Variants in KCNH7 observed in about 807,000 individuals in gnomAD.
KCNH7 encodes potassium voltage-gated channel subfamily H member 7, also known as voltage-gated inwardly rectifying potassium channel KCNH7.
KCNH7 carries 49 observed loss-of-function variants against 120.8 expected under a neutral mutation model. That is an observed-to-expected ratio of 0.41 (90% CI 0.32 to 0.51). KCNH7 has a LOEUF of 0.51. KCNH7 is among the 20% of genes least tolerant of loss of function. KCNH7 has a pLI of 0.38. For synonymous variants in KCNH7, 547 were observed against 516.1 expected, an observed-to-expected ratio of 1.06 and a Z score of -0.81; for missense variants, 1,097 against 1,446.6, an observed-to-expected ratio of 0.76 and a Z score of 3.92.
intron 3 of KCNH7, among the ~76,000 whole-genome samples, chr2:162,518,495 C>T (rs1691396500): frequency 6.6e-6 from 1 of 151,702 alleles, no homozygotes; most frequent in South Asian, 2.1e-4. Context: ...GAAGGATGAA[C>T]AGAGTTTTAA....
chr2:162,688,227 T>C (rs1685965710), intron 2 of KCNH7, among the ~76,000 whole-genome samples: 2 of 152,180 alleles, frequency 1.3e-5, no homozygotes, highest in Admixed American at 6.6e-5. Context: ...CATGTAGATA[T>C]AGCTACCTCA....
At chr2:162,741,638 C>T (rs1460615414) in intron 2 of KCNH7, among the ~76,000 whole-genome samples, 1 of 151,970 alleles carries the variant, frequency 6.6e-6, no homozygotes, top group Non-Finnish European at 1.5e-5. Flanking sequence ...AACATGTCAG[C>T]TTTTATAATG....
At chr2:162,558,235 C>A (rs1291755266) in intron 2 of KCNH7, among the ~76,000 whole-genome samples, 1 of 151,580 alleles carries the variant, frequency 6.6e-6, no homozygotes, top group Admixed American at 6.6e-5. Flanking sequence ...AGTACAGTGG[C>A]ACGATCTCGG....
intron 2 of KCNH7, among the ~76,000 whole-genome samples, chr2:162,647,682 T>C (rs1400999917): frequency 6.6e-6 from 1 of 152,160 alleles, no homozygotes; most frequent in Non-Finnish European, 1.5e-5. Flanking sequence ...GTGACTTTGC[T>C]CCTCATTTGC....
chr2:162,564,765 G>T (rs1693194210), intron 2 of KCNH7, among the ~76,000 whole-genome samples: 1 of 152,082 alleles, frequency 6.6e-6, no homozygotes, highest in African/African-American at 2.4e-5. Flanking sequence ...TACCTCTAAA[G>T]TTCATTAAAG....
intron 2 of KCNH7, among the ~76,000 whole-genome samples, chr2:162,592,506 C>A (rs753475015): frequency 6.6e-6 from 1 of 151,916 alleles, no homozygotes; most frequent in Non-Finnish European, 1.5e-5. Context: ...GGACTCTTGG[C>A]TATAGGCTAT....
intron 2 of KCNH7, among the ~76,000 whole-genome samples, chr2:162,553,299 G>A (rs899122303): frequency 2.0e-5 from 3 of 152,266 alleles, no homozygotes; most frequent in South Asian, 2.1e-4. Flanking sequence ...TCAACCAGCC[G>A]TTATGATTCA....
intron 2 of KCNH7, among the ~76,000 whole-genome samples, chr2:162,717,881 C>T (rs1687183893): frequency 6.6e-6 from 1 of 151,998 alleles, no homozygotes; most frequent in Non-Finnish European, 1.5e-5. Context: ...CCTTAGCTGA[C>T]ATCTAGAAGA....
intron 11 of KCNH7, 59 bp downstream of exon 11, chr2:162,396,681 A>G (rs1348990832): frequency 3.2e-6 from 4 of 1,243,700 alleles, no homozygotes; most frequent in Non-Finnish European, 4.6e-6. Flanking sequence ...GTATTTGTGC[A>G]ATTCAAGAAT....
intron 8 of KCNH7, among the ~76,000 whole-genome samples, chr2:162,427,837 T>G (rs895765218): frequency 6.6e-6 from 1 of 151,890 alleles, no homozygotes; most frequent in Non-Finnish European, 1.5e-5. Flanking sequence ...TAATGTTCTT[T>G]TCTTATCCTT....
rs571066088 is a variant in KCNH7, at chr2:162,822,300, T to C, written c.307+14237A>G. 2.0e-5 allele frequency among the ~76,000 whole-genome samples: 3 copies of C among 152,128 alleles called. No homozygotes were observed. In the South Asian group the frequency reaches 6.2e-4, roughly 32 times the overall value. On this transcript the variant is annotated intron_variant, in intron 2 of 15. Coordinates refer to ENST00000332142, the MANE Select transcript of KCNH7 (RefSeq NM_033272.4). Reference sequence around the variant, plus strand: ...TCCTTATCACATTTTTAAATTATTTTATTTAGCACTTCTATTGCATTTACT... The same window carrying C: ...TCCTTATCACATTTTTAAATTATTTCATTTAGCACTTCTATTGCATTTACT...
intron 2 of KCNH7, among the ~76,000 whole-genome samples, chr2:162,820,372 A>C (rs996168132): frequency 1.1e-4 from 16 of 151,972 alleles, no homozygotes; most frequent in African/African-American, 3.9e-4. Context: ...CACCACGCAC[A>C]GCCTATTCCA....
intron 7 of KCNH7, among the ~76,000 whole-genome samples, chr2:162,437,935 T>C (rs1688300231): frequency 6.6e-6 from 1 of 152,186 alleles, no homozygotes; most frequent in Non-Finnish European, 1.5e-5. Context: ...GCTCAGACTC[T>C]GGTAGGAGTC....
chr2:162,661,879 T>G (rs541712511), intron 2 of KCNH7, among the ~76,000 whole-genome samples: 1 of 152,228 alleles, frequency 6.6e-6, no homozygotes, highest in East Asian at 1.9e-4. Context: ...TGATGTTGGG[T>G]TTTTTAAATT....
At chr2:162,825,655 T>A (rs1307350015) in intron 2 of KCNH7, among the ~76,000 whole-genome samples, 1 of 152,092 alleles carries the variant, frequency 6.6e-6, no homozygotes, top group Non-Finnish European at 1.5e-5. Context: ...AGTAAAAAGT[T>A]AGAAATAGTC....
At chr2:162,552,499 TTTCA>T (rs1283852866) in intron 2 of KCNH7, among the ~76,000 whole-genome samples, 5 of 152,158 alleles carry the variant, frequency 3.3e-5, no homozygotes, top group African/African-American at 1.2e-4. Flanking sequence ...GTCCCCAAGA[TTTCA>T]TTCCTCTGTC....
intron 2 of KCNH7, among the ~76,000 whole-genome samples, chr2:162,559,090 A>G (rs2105874934): frequency 6.6e-6 from 1 of 151,822 alleles, no homozygotes; most frequent in South Asian, 2.1e-4. Flanking sequence ...AAAAAACAAA[A>G]AACAAAAAAC....
rs1685745240 is a variant in KCNH7 at position 162,838,640 on chromosome 2, A to T, written c.-122T>A. The T allele has an allele frequency of 2.8e-6, 2 of 708,190 alleles. No individual in the cohort carries two copies. The highest frequency in any genetic ancestry group is 4.7e-6 in the Non-Finnish European group (2 of 422,722). 43.9% of individuals were successfully genotyped at this position (708,190 alleles called of 1,614,324 possible). On this transcript the variant is annotated 5_prime_UTR_variant, in exon 1 of 16. Transcript: ENST00000332142. ...TTTGTGGCAGAGCATCCTCTTTTGA[A>T]ACCAGAATTCTCTTCCCATTAGCAC...
chr2:162,569,952 A>G (rs1693403354), intron 2 of KCNH7, among the ~76,000 whole-genome samples: 2 of 131,464 alleles, frequency 1.5e-5, no homozygotes, highest in Middle Eastern at 3.8e-3. Context: ...ACTTCCAAGT[A>G]TGTGGTCAAT....
Sources: allele counts gnomAD v4.1 joint callset (sites outside exome capture counted in the v4.1 genomes callset), GRCh38; gene constraint gnomAD v4.1.1; transcripts MANE v1.5; gene names NCBI Gene and HGNC (gene_info 2026-07-23, HGNC 2026-07-21).